The following GRIN2B variants were observed in gnomAD, a reference collection of about 807,000 sequenced individuals.
GRIN2B encodes the protein glutamate ionotropic receptor NMDA type subunit 2B, also known as glutamate receptor ionotropic, NMDA 2B.
A neutral mutation model predicts 114.5 loss-of-function variants in GRIN2B; 5 were observed. The observed-to-expected ratio is 0.04, with a 90% CI of 0.02 to 0.09. GRIN2B has a LOEUF of 0.09. Among genes scored for constraint, GRIN2B ranks in the 10% least tolerant of loss-of-function variants. The probability of loss-of-function intolerance (pLI) is 1.00; values close to 1 mark genes in which losing one functional copy is unlikely to be tolerated. For synonymous variants in GRIN2B, 787 were observed against 745.1 expected (o/e 1.06, Z -0.92); for missense variants, 1,108 against 1,943.5 (o/e 0.57, Z 8.08).
At chr12:13,825,094 C>T (rs945165118) in intron 3 of GRIN2B, among the ~76,000 whole-genome samples, 1 of 151,984 alleles carries the variant, frequency 6.6e-6, no homozygotes, top group South Asian at 2.1e-4. Flanking sequence ...CTGCATTAGC[C>T]ATATTGTGCA....
chr12:13,822,273 G>A (rs565103572), intron 3 of GRIN2B, among the ~76,000 whole-genome samples: 1 of 152,288 alleles, frequency 6.6e-6, no homozygotes, highest in South Asian at 2.1e-4. Flanking sequence ...GTCAAGAGAA[G>A]CTGAACAATC....
intron 3 of GRIN2B, among the ~76,000 whole-genome samples, chr12:13,846,147 A>G (rs1235287453): frequency 6.6e-6 from 1 of 152,200 alleles, no homozygotes; most frequent in African/African-American, 2.4e-5. Flanking sequence ...TCAAACAGCT[A>G]TATGGATTAT....
chr12:13,695,396 T>C (rs1312565383), intron 4 of GRIN2B, among the ~76,000 whole-genome samples: 1 of 152,148 alleles, frequency 6.6e-6, no homozygotes, highest in African/African-American at 2.4e-5. Context: ...ACTATGCTTG[T>C]TTTATAGAGA....
chr12:13,672,369 A>G (rs140011662), intron 5 of GRIN2B, among the ~76,000 whole-genome samples: 346 of 152,216 alleles, frequency 2.3e-3, no homozygotes, highest in African/African-American at 7.9e-3. Context: ...CAGTGTTCAA[A>G]TCCTCCCTGT....
intron 10 of GRIN2B, among the ~76,000 whole-genome samples, chr12:13,574,824 C>T (rs1198193099): frequency 6.6e-6 from 1 of 152,192 alleles, no homozygotes; most frequent in Non-Finnish European, 1.5e-5. Context: ...TTTACACTAC[C>T]TGACTTTAAG....
Position 13,881,316 on chromosome 12 carries a change from C to T in GRIN2B, c.-18-15090G>A, listed in dbSNP as rs118166501. 9.1e-4 allele frequency among the ~76,000 whole-genome samples: 139 copies of T among 152,302 alleles called. 1 individual carries two copies. In the East Asian group the frequency reaches 0.023, roughly 25 times the overall value. On this transcript the variant is annotated intron_variant, in intron 2 of 13. Coordinates refer to ENST00000609686, the MANE Select transcript of GRIN2B (RefSeq NM_000834.5). Reference sequence around the variant, plus strand: ...CTTAATCTCTCCACATTTCCGTGGCCCACTAGCACCTGGCGGTCTCCTTCG... The same window carrying T: ...CTTAATCTCTCCACATTTCCGTGGCTCACTAGCACCTGGCGGTCTCCTTCG...
At chr12:13,940,748 T>C (rs1384514093) in intron 2 of GRIN2B, among the ~76,000 whole-genome samples, 1 of 152,098 alleles carries the variant, frequency 6.6e-6, no homozygotes, top group African/African-American at 2.4e-5. Context: ...GGGTGAAATT[T>C]ACATTTCACT....
intron 3 of GRIN2B, among the ~76,000 whole-genome samples, chr12:13,785,593 C>T (rs1864210899): frequency 6.6e-6 from 1 of 152,108 alleles, no homozygotes; most frequent in Non-Finnish European, 1.5e-5. Flanking sequence ...TCATTCAAAG[C>T]CTCCAATTCT....
intron 4 of GRIN2B, among the ~76,000 whole-genome samples, chr12:13,693,038 G>A (rs1389020593): frequency 6.6e-6 from 1 of 151,982 alleles, no homozygotes; most frequent in Admixed American, 6.6e-5. Context: ...AGAGTGCTAG[G>A]ATTACAGGCG....
intron 3 of GRIN2B, among the ~76,000 whole-genome samples, chr12:13,838,288 C>T (rs1197979044): frequency 6.6e-6 from 1 of 152,144 alleles, no homozygotes; most frequent in East Asian, 1.9e-4. Context: ...GGTCCATTTT[C>T]CACCCTTAAA....
chr12:13,685,896 T>C (rs969309069), intron 4 of GRIN2B, among the ~76,000 whole-genome samples: 4 of 152,164 alleles, frequency 2.6e-5, no homozygotes, highest in African/African-American at 4.8e-5. Flanking sequence ...AGAACAGCTT[T>C]CTGGGCTACA....
In GRIN2B at chr12:13,791,463, T is replaced by TAA. The variant is rs10699741; in HGVS notation, c.412-37550_412-37549dup. Among the ~76,000 whole-genome samples, 771 of 144,368 alleles carry TAA rather than the reference T, an allele frequency of 5.3e-3. 14 individuals carry two copies. The highest frequency in any genetic ancestry group is 5.2e-3 in the Admixed American group (74 of 14,342). 94.7% of individuals were successfully genotyped at this position (144,368 alleles called of 152,430 possible). The stretch of plus-strand genomic sequence containing the variant: ...CGAGACTCTGTCTCAAAAAAAAAAA[T>TAA]AAAAAAAAAAAATTCCATGTCATGT... On this transcript the variant is annotated intron_variant, in intron 3 of 13. Transcript: ENST00000609686.
At chr12:13,869,539 TA>T (rs1316218989) in intron 2 of GRIN2B, among the ~76,000 whole-genome samples, 4 of 152,192 alleles carry the variant, frequency 2.6e-5, no homozygotes, top group African/African-American at 9.7e-5. Context: ...TATTGCCAGG[TA>T]AATTTCATGC....
chr12:13,850,346 C>T (rs188875031), intron 3 of GRIN2B, among the ~76,000 whole-genome samples: 2 of 152,228 alleles, frequency 1.3e-5, no homozygotes, highest in Non-Finnish European at 2.9e-5. Context: ...CCCCCAATCC[C>T]CAGGGTTATT....
chr12:13,667,819 T>C (rs1949991901), intron 5 of GRIN2B, among the ~76,000 whole-genome samples: 1 of 152,196 alleles, frequency 6.6e-6, no homozygotes, highest in Non-Finnish European at 1.5e-5. Context: ...AAAATATAAC[T>C]GCTAATTCTT....
intron 3 of GRIN2B, among the ~76,000 whole-genome samples, chr12:13,757,211 GAAT>G (rs1281324763): frequency 6.6e-6 from 1 of 152,152 alleles, no homozygotes; most frequent in Non-Finnish European, 1.5e-5. Flanking sequence ...TCAAGAAACA[GAAT>G]AATAGCTTGG....
At position 13,548,342 on chromosome 12, in the gene GRIN2B, C is replaced by T. The variant is rs1255660987; in HGVS notation, c.*14441G>A. 1 of 151,970 alleles carries T rather than the reference C, an allele frequency of 6.6e-6. No homozygotes were observed. Among genetic ancestry groups the T allele is most frequent in the Non-Finnish European group, 1.5e-5 (1 of 67,988 alleles). 9.4% of individuals were successfully genotyped at this position (151,970 alleles called of 1,614,324 possible). A position where few individuals can be genotyped will look rare whatever the true frequency, so the allele number is the denominator to read the frequency against. On this transcript the variant is annotated 3_prime_UTR_variant, in exon 14 of 14. Transcript: ENST00000609686. ...TTTGTAAGACTTCCTCCATTGGCCG[C>T]TATGGTACAGCTCAGAAAAGCTGAA...
Position 13,547,974 on chromosome 12 carries a change from TATATA to T in GRIN2B, c.*14804_*14808del, listed in dbSNP as rs2136385047. 2.7e-5 allele frequency: 2 copies of T among 75,430 alleles called. No individual in the cohort carries two copies. Among genetic ancestry groups the T allele is most frequent in the African/African-American group, 1.0e-4 (2 of 20,082 alleles). The allele number at this position is 75,430 out of a possible 1,614,324, so 4.7% of individuals were successfully genotyped here. A position where few individuals can be genotyped will look rare whatever the true frequency, so the allele number is the denominator to read the frequency against. ...GTATGTGTGTGTATATATATATATA[TATATA>T]TATTTTTTTTTTTTTTCTGAAAGCT... On this transcript the variant is annotated 3_prime_UTR_variant, in exon 14 of 14. Coordinates refer to ENST00000609686, the MANE Select transcript of GRIN2B (RefSeq NM_000834.5).
At chr12:13,975,368 G>A (rs774800424) in intron 2 of GRIN2B, among the ~76,000 whole-genome samples, 4 of 152,308 alleles carry the variant, frequency 2.6e-5, no homozygotes, top group Middle Eastern at 3.4e-3. Flanking sequence ...CAGCACTGAC[G>A]TAGATATTTA....
Sources: allele counts gnomAD v4.1 joint callset (sites outside exome capture counted in the v4.1 genomes callset), GRCh38; gene constraint gnomAD v4.1.1; transcripts MANE v1.5; gene names NCBI Gene and HGNC (gene_info 2026-07-23, HGNC 2026-07-21).